Variants in DOCK5 observed in about 807,000 individuals in gnomAD.
The protein encoded by DOCK5 is dedicator of cytokinesis protein 5.
DOCK5 carries 142 observed loss-of-function variants against 251.8 expected under a neutral mutation model. The observed-to-expected ratio is 0.56, with a 90% CI of 0.49 to 0.65. The LOEUF (loss-of-function observed/expected upper bound fraction) is 0.65. DOCK5 is among the 30% of genes least tolerant of loss of function. The probability of loss-of-function intolerance (pLI) is 0.00; values close to 1 mark genes in which losing one functional copy is unlikely to be tolerated. For missense variants in DOCK5, 2,111 were observed against 2,312.3 expected, an observed-to-expected ratio of 0.91 and a Z score of 1.79; for synonymous variants, 842 against 835.5, an observed-to-expected ratio of 1.01 and a Z score of -0.13.
Position 25,219,880 on chromosome 8 carries a change from TA to T in DOCK5, c.44-23793del, listed in dbSNP as rs1401238777. 4.6e-5 allele frequency among the ~76,000 whole-genome samples: 7 copies of T among 152,172 alleles called. No homozygotes were observed. In the South Asian group the frequency reaches 8.3e-4, roughly 18 times the overall value. ...TAGGTATTCATTGATTCCAGAAAGTTATGCTCTTTACCTGGAAACTGTCTTG... is the reference window on the plus strand; with the variant it reads ...TAGGTATTCATTGATTCCAGAAAGTTTGCTCTTTACCTGGAAACTGTCTTG... On this transcript the variant is annotated intron_variant, in intron 1 of 51. Transcript: ENST00000276440.
chr8:25,287,143 T>C (rs1804356646), intron 5 of DOCK5, among the ~76,000 whole-genome samples: 1 of 152,178 alleles, frequency 6.6e-6, no homozygotes, highest in African/African-American at 2.4e-5. Flanking sequence ...TTTGTGTTTA[T>C]CTCTAGACAT....
chr8:25,410,121 T>A lies in DOCK5; in HGVS notation c.5427T>A (p.Asp1809Glu), dbSNP rs1455549329. The change falls in exon 51 of 52, where the codon GAT (aspartate) becomes GAA (glutamate). Residue 1809 changes from aspartate to glutamate, a missense_variant. Coordinates refer to ENST00000276440, the MANE Select transcript of DOCK5 (RefSeq NM_024940.8). Reference protein sequence around the residue: ...RTLSSPSLQTDGIAATPVPPP... With the variant: ...RTLSSPSLQTEGIAATPVPPP... ...TAGGCTCCCCATCGTTGCAGACAGA[T>A]GGAATCGCGGCCACTCCTGTCCCAC... is the stretch of plus-strand genomic sequence containing the variant. The A allele has an allele frequency of 6.2e-7, 1 of 1,613,398 alleles. No homozygotes were observed. Among genetic ancestry groups the A allele is most frequent in the Non-Finnish European group, 8.5e-7 (1 of 1,179,800 alleles).
In DOCK5 at chr8:25,415,284, G is replaced by GA. The variant is rs1420169364; in HGVS notation, c.*3986_*3987insA. The GA allele has an allele frequency of 1.3e-5, 2 of 152,000 alleles. No individual in the cohort carries two copies. Among genetic ancestry groups the GA allele is most frequent in the Non-Finnish European group, 1.5e-5 (1 of 67,998 alleles). The allele number at this position is 152,000 out of a possible 1,614,324, so 9.4% of individuals were successfully genotyped here. A position where few individuals can be genotyped will look rare whatever the true frequency, so the allele number is the denominator to read the frequency against. On this transcript the variant is annotated 3_prime_UTR_variant, in exon 52 of 52. Coordinates refer to ENST00000276440, the MANE Select transcript of DOCK5 (RefSeq NM_024940.8). Reference sequence around the variant, plus strand: ...CTGGCCCACTGTATCTAGACTTTAGGTTCATTTTAATAATTATGCTTTCCT... The same window carrying GA: ...CTGGCCCACTGTATCTAGACTTTAGGATTCATTTTAATAATTATGCTTTCCT...
chr8:25,368,064 C>T (rs1586367829), intron 31 of DOCK5, 128 bp from the exon 32 acceptor site: 1 of 694,406 alleles, frequency 1.4e-6, no homozygotes, highest in Admixed American at 2.6e-5. Context: ...GTATGAACCT[C>T]ATCTCTTAAG....
intron 1 of DOCK5, among the ~76,000 whole-genome samples, chr8:25,192,796 G>A (rs556567849): frequency 6.6e-6 from 1 of 152,290 alleles, no homozygotes; most frequent in African/African-American, 2.4e-5. Flanking sequence ...ACAGGCGCCA[G>A]CTACCACGCT....
In DOCK5 at chr8:25,377,650, C is replaced by A. The variant is rs1389027031; in HGVS notation, c.3936+226C>A. 2.6e-5 allele frequency among the ~76,000 whole-genome samples: 4 copies of A among 152,156 alleles called. No homozygotes were observed. In the South Asian group the frequency reaches 8.3e-4, roughly 32 times the overall value. On this transcript the variant is annotated intron_variant, in intron 38 of 51. Coordinates refer to ENST00000276440, the MANE Select transcript of DOCK5 (RefSeq NM_024940.8). ...TACATCTGGGGGGCTTCCACTGCCCCCTCAGGTTTAATAGTCTGCTAGAAC... is the reference window on the plus strand; with the variant it reads ...TACATCTGGGGGGCTTCCACTGCCCACTCAGGTTTAATAGTCTGCTAGAAC...
chr8:25,362,246 A>G (rs1349117012), intron 28 of DOCK5, among the ~76,000 whole-genome samples: 1 of 152,126 alleles, frequency 6.6e-6, no homozygotes, highest in African/African-American at 2.4e-5. Context: ...ACCATAATAA[A>G]GGAGAATTGA....
At chr8:25,377,189 T>C (rs1238479739) in intron 37 of DOCK5, 116 bp from the exon 38 acceptor site, 1 of 1,371,412 alleles carries the variant, frequency 7.3e-7, no homozygotes, top group Non-Finnish European at 9.6e-7. Flanking sequence ...CTTTTGTGTT[T>C]AATACATAAT....
At chr8:25,246,738 G>GTC (rs1803126590) in intron 2 of DOCK5, among the ~76,000 whole-genome samples, 1 of 145,424 alleles carries the variant, frequency 6.9e-6, no homozygotes, top group African/African-American at 2.8e-5. Flanking sequence ...GTGTGTGTGT[G>GTC]TGTGTGTGTG....
intron 1 of DOCK5, among the ~76,000 whole-genome samples, chr8:25,200,705 A>T (rs1180160634): frequency 3.3e-5 from 5 of 152,214 alleles, no homozygotes; most frequent in Non-Finnish European, 7.3e-5. Context: ...GCTTTCTGCC[A>T]TTCAGTTAGT....
intron 22 of DOCK5, among the ~76,000 whole-genome samples, chr8:25,339,939 T>C (rs1805909008): frequency 6.6e-6 from 1 of 152,158 alleles, no homozygotes; most frequent in Non-Finnish European, 1.5e-5. Flanking sequence ...GTGGTTTAAA[T>C]GTGAGATACT....
At chr8:25,356,925 A>G (rs1445405165) in intron 27 of DOCK5, among the ~76,000 whole-genome samples, 1 of 75,860 alleles carries the variant, frequency 1.3e-5, no homozygotes, top group South Asian at 3.6e-4. Context: ...ATATATATAT[A>G]TATATATATA....
chr8:25,315,822 C>A (rs1419503937), intron 13 of DOCK5, among the ~76,000 whole-genome samples: 1 of 152,178 alleles, frequency 6.6e-6, no homozygotes, highest in Non-Finnish European at 1.5e-5. Context: ...TCATCCTCAG[C>A]AAGTGATAAG....
At chr8:25,304,810 A>G (rs1804859109) in intron 11 of DOCK5, 1 of 152,988 alleles carries the variant, frequency 6.5e-6, no homozygotes, top group Non-Finnish European at 1.5e-5. Flanking sequence ...TGAGGGCCAC[A>G]CTGTCTGTAG....
chr8:25,230,343 T>C (rs1230417123), intron 1 of DOCK5, among the ~76,000 whole-genome samples: 1 of 152,150 alleles, frequency 6.6e-6, no homozygotes, highest in Non-Finnish European at 1.5e-5. Flanking sequence ...TTTGGGACCT[T>C]GCAACCTGGG....
chr8:25,376,458 A>T, intron 37 of DOCK5: 1 of 745,562 alleles, frequency 1.3e-6, no homozygotes, highest in Non-Finnish European at 1.6e-6. Flanking sequence ...CTGTTCATGT[A>T]CCAGTACCAT....
chr8:25,289,772 G>C (rs1465783556), intron 5 of DOCK5, among the ~76,000 whole-genome samples: 3 of 151,992 alleles, frequency 2.0e-5, no homozygotes, highest in Non-Finnish European at 4.4e-5. Context: ...AACGCGGGAT[G>C]GGGAGGTTGT....
chr8:25,410,270 C>G, intron 51 of DOCK5, 68 bp downstream of exon 51: 1 of 1,409,638 alleles, frequency 7.1e-7, no homozygotes, highest in Admixed American at 1.9e-5. Flanking sequence ...ATCAGGTTTT[C>G]CAGGCTCTTT....
intron 1 of DOCK5, among the ~76,000 whole-genome samples, chr8:25,220,846 C>T (rs1267283153): frequency 2.6e-5 from 4 of 152,082 alleles, no homozygotes; most frequent in South Asian, 4.1e-4. Context: ...TCAGGTGATC[C>T]GCCCACCTTG....
Sources: allele counts gnomAD v4.1 joint callset (sites outside exome capture counted in the v4.1 genomes callset), GRCh38; gene constraint gnomAD v4.1.1; transcripts MANE v1.5; gene names NCBI Gene and HGNC (gene_info 2026-07-23, HGNC 2026-07-21).